The following CDH13 variants were observed in gnomAD, a reference collection of about 807,000 sequenced individuals.
The protein encoded by CDH13 is cadherin 13, also known as cadherin-13.
CDH13 carries 24 observed loss-of-function variants against 63.8 expected under a neutral mutation model. The observed-to-expected ratio is 0.38, with a 90% CI of 0.27 to 0.53. CDH13 has a LOEUF of 0.53. CDH13 is among the 20% of genes least tolerant of loss of function. The pLI is 0.85. For missense variants in CDH13, 1,049 were observed against 903.1 expected (o/e 1.16, Z -2.07); for synonymous variants, 503 against 355.3 (o/e 1.42, Z -4.67).
At chr16:83,275,567 C>T (rs548407988) in intron 5 of CDH13, among the ~76,000 whole-genome samples, 8 of 73,504 alleles carry the variant, frequency 1.1e-4, no homozygotes, top group African/African-American at 4.5e-4. Flanking sequence ...TGCAGGGGAG[C>T]TCAGAAAGCG....
chr16:83,390,495 A>G (rs958047956), intron 6 of CDH13, among the ~76,000 whole-genome samples: 1 of 150,950 alleles, frequency 6.6e-6, no homozygotes, highest in Admixed American at 6.6e-5. Context: ...AGGGACTTTT[A>G]ACTTGCCTAA....
intron 4 of CDH13, among the ~76,000 whole-genome samples, chr16:83,177,097 T>A (rs1187442539): frequency 6.6e-6 from 1 of 152,218 alleles, no homozygotes; most frequent in Non-Finnish European, 1.5e-5. Context: ...GAGATGTGGC[T>A]GGTGTGACCG....
At position 82,729,054 on chromosome 16, in the gene CDH13, C is replaced by T. The variant is rs182381315; in HGVS notation, c.45+101917C>T. ...AGCAATTCAGTCACATCTTCAGGCT[C>T]TATTTCTAATTATAGTTGTCTTTCA... is the stretch of plus-strand genomic sequence containing the variant. On this transcript the variant is annotated intron_variant, in intron 1 of 13. Transcript: ENST00000567109. Among the ~76,000 whole-genome samples, 18 of 152,272 alleles carry T rather than the reference C, an allele frequency of 1.2e-4. No individual in the cohort carries two copies. The East Asian group carries it at 1.7e-3, about 15-fold the overall frequency.
chr16:83,782,772 A>G (rs1173917367), intron 12 of CDH13, among the ~76,000 whole-genome samples: 1 of 151,392 alleles, frequency 6.6e-6, no homozygotes, highest in Non-Finnish European at 1.5e-5. Context: ...CAAAAAATGT[A>G]GGCTATAGAA....
chr16:83,658,777 GCAAGGTCTCATGTCCTCACCAC>G, intron 8 of CDH13, among the ~76,000 whole-genome samples: 1 of 131,324 alleles, frequency 7.6e-6, no homozygotes, highest in Non-Finnish European at 1.6e-5. Context: ...ATCCTCACCA[GCAAGGTCTCATGTCCTCACCAC>G]CAGGTCCCAT....
At chr16:83,698,258 A>C (rs749368694) in intron 10 of CDH13, among the ~76,000 whole-genome samples, 40 of 152,394 alleles carry the variant, frequency 2.6e-4, no homozygotes, top group Non-Finnish European at 4.9e-4. Flanking sequence ...GATTTCCATC[A>C]GGGACTGACT....
intron 6 of CDH13, among the ~76,000 whole-genome samples, chr16:83,381,033 A>C (rs531742725): frequency 1.3e-5 from 2 of 152,174 alleles, no homozygotes; most frequent in Middle Eastern, 3.4e-3. Flanking sequence ...TTTAAAATAC[A>C]TGGTTTTATT....
intron 2 of CDH13, among the ~76,000 whole-genome samples, chr16:82,931,449 A>G (rs1417312547): frequency 1.3e-5 from 2 of 152,150 alleles, no homozygotes; most frequent in East Asian, 3.9e-4. Context: ...TGCTATGGGC[A>G]TAAATGAAGT....
At chr16:82,683,903 C>T (rs950521467) in intron 1 of CDH13, among the ~76,000 whole-genome samples, 1 of 152,140 alleles carries the variant, frequency 6.6e-6, no homozygotes, top group Non-Finnish European at 1.5e-5. Flanking sequence ...AAAAATTGTG[C>T]GCTTTTTATT....
At chr16:83,015,774 A>C in intron 2 of CDH13, among the ~76,000 whole-genome samples, 1 of 139,806 alleles carries the variant, frequency 7.2e-6, no homozygotes, top group East Asian at 2.2e-4. Context: ...TGCCGTGGGT[A>C]TGTGCAAAAA....
intron 5 of CDH13, among the ~76,000 whole-genome samples, chr16:83,268,652 C>A (rs560501197): frequency 6.6e-6 from 1 of 152,278 alleles, no homozygotes; most frequent in East Asian, 1.9e-4. Context: ...GTGTCGCATC[C>A]TGGTCTCAAT....
chr16:83,304,836 C>T (rs935006278), intron 5 of CDH13, among the ~76,000 whole-genome samples: 6 of 152,194 alleles, frequency 3.9e-5, no homozygotes, highest in African/African-American at 1.4e-4. Flanking sequence ...AGCAAACTCT[C>T]TCCCTCTCTC....
chr16:83,413,188 A>G (rs193208426), intron 6 of CDH13, among the ~76,000 whole-genome samples: 2 of 152,318 alleles, frequency 1.3e-5, no homozygotes, highest in South Asian at 2.1e-4. Context: ...TGCAGTGAAG[A>G]TTGGTTTCTG....
chr16:83,575,167 CT>C (rs1349555440), intron 7 of CDH13, among the ~76,000 whole-genome samples: 1 of 152,122 alleles, frequency 6.6e-6, no homozygotes, highest in Non-Finnish European at 1.5e-5. Flanking sequence ...CAGATGGTGA[CT>C]GCTGATGGAT....
intron 3 of CDH13, among the ~76,000 whole-genome samples, chr16:83,077,961 G>A (rs1370285169): frequency 1.3e-5 from 2 of 151,988 alleles, no homozygotes; most frequent in Non-Finnish European, 2.9e-5. Flanking sequence ...CCATATGTAT[G>A]CTTATTGACC....
chr16:82,875,279 C>A (rs2040466540), intron 2 of CDH13, among the ~76,000 whole-genome samples: 1 of 152,102 alleles, frequency 6.6e-6, no homozygotes, highest in South Asian at 2.1e-4. Context: ...ACTTCTGTAC[C>A]AAAGGAGAGG....
At chr16:82,655,165 G>A (rs1911157204) in intron 1 of CDH13, among the ~76,000 whole-genome samples, 1 of 152,182 alleles carries the variant, frequency 6.6e-6, no homozygotes, top group Non-Finnish European at 1.5e-5. Flanking sequence ...GCAAGCACCA[G>A]GAAAATAGCA....
intron 6 of CDH13, among the ~76,000 whole-genome samples, chr16:83,389,325 A>G (rs1358766022): frequency 1.3e-5 from 2 of 152,196 alleles, no homozygotes; most frequent in African/African-American, 4.8e-5. Context: ...TTGTGTGTGT[A>G]TATTTTTTAC....
In CDH13 at chr16:82,839,240, C is replaced by T. The variant is rs191831025; in HGVS notation, c.46-19122C>T. Among the ~76,000 whole-genome samples the T allele has an allele frequency of 3.8e-4, 58 of 152,226 alleles. No homozygotes were observed. The East Asian group carries it at 4.3e-3, about 11-fold the overall frequency. ...TCAGGGAGCCCCCTCCATGTGGCCG[C>T]GTCTTTTGGGTCTGGAAATTGTTTC... is the stretch of plus-strand genomic sequence containing the variant. On this transcript the variant is annotated intron_variant, in intron 1 of 13. Coordinates refer to ENST00000567109, the MANE Select transcript of CDH13 (RefSeq NM_001257.5).
Sources: allele counts gnomAD v4.1 joint callset (sites outside exome capture counted in the v4.1 genomes callset), GRCh38; gene constraint gnomAD v4.1.1; transcripts MANE v1.5; gene names NCBI Gene and HGNC (gene_info 2026-07-23, HGNC 2026-07-21).